CDH20: variants seen among roughly 807,000 people sequenced by gnomAD.
CDH20 encodes the protein cadherin 20.
CDH20 carries 29 observed loss-of-function variants against 74.2 expected under a neutral mutation model. The observed-to-expected ratio is 0.39, with a 90% CI of 0.29 to 0.53. The LOEUF (loss-of-function observed/expected upper bound fraction) is 0.53. CDH20 is among the 20% of genes least tolerant of loss of function. CDH20 has a pLI of 0.69. For synonymous variants in CDH20, 469 were observed against 405.4 expected, an observed-to-expected ratio of 1.16 and a Z score of -1.88; for missense variants, 988 against 1,048.3, an observed-to-expected ratio of 0.94 and a Z score of 0.79.
At chr18:61,342,095 G>A (rs1909970166) in intron 1 of CDH20, among the ~76,000 whole-genome samples, 1 of 152,142 alleles carries the variant, frequency 6.6e-6, no homozygotes, top group Non-Finnish European at 1.5e-5. Context: ...AACATTTGAA[G>A]ATCAAATTGT....
Position 61,554,593 on chromosome 18 carries a change from G to T in CDH20, c.2304G>T (p.Ser768=), listed in dbSNP as rs756107421. Residue 768 remains serine, a synonymous_variant, in exon 12 of 12, where the codon TCG becomes TCT. Coordinates refer to ENST00000262717, the MANE Select transcript of CDH20 (RefSeq NM_031891.4). The stretch of plus-strand genomic sequence containing the variant: ...TGAGCTCCCTGCAGTCGGCCACGTC[G>T]GACTCGGAACAGAGCTTCGACTTCC... ...GSLSSLQSAT[S]DSEQSFDFLT... is the part of the protein sequence containing the mutation. 1 of 1,608,868 alleles carries T rather than the reference G, an allele frequency of 6.2e-7. No homozygotes were observed. Among genetic ancestry groups the T allele is most frequent in the South Asian group, 1.1e-5 (1 of 90,228 alleles).
At chr18:61,407,956 A>G (rs1258394280) in intron 1 of CDH20, among the ~76,000 whole-genome samples, 2 of 152,228 alleles carry the variant, frequency 1.3e-5, no homozygotes, top group Non-Finnish European at 2.9e-5. Flanking sequence ...TATTACATCA[A>G]TGTTAATTTC....
chr18:61,508,354 A>G (rs1485646404), intron 6 of CDH20, among the ~76,000 whole-genome samples: 1 of 152,228 alleles, frequency 6.6e-6, no homozygotes, highest in Non-Finnish European at 1.5e-5. Context: ...TAGCAAGGGA[A>G]GAAGACAATC....
intron 5 of CDH20, among the ~76,000 whole-genome samples, chr18:61,504,280 C>T (rs17811077): frequency 6.6e-6 from 1 of 151,910 alleles, no homozygotes; most frequent in Non-Finnish European, 1.5e-5. Context: ...ACTTGAACTG[C>T]TAAGGACTTA....
At chr18:61,396,908 T>C (rs1185055252) in intron 1 of CDH20, among the ~76,000 whole-genome samples, 1 of 152,148 alleles carries the variant, frequency 6.6e-6, no homozygotes, top group Non-Finnish European at 1.5e-5. Context: ...ACACACAGTC[T>C]CCTCTGAGAC....
At chr18:61,516,137 C>T (rs1006505569) in intron 6 of CDH20, among the ~76,000 whole-genome samples, 1 of 152,144 alleles carries the variant, frequency 6.6e-6, no homozygotes, top group Non-Finnish European at 1.5e-5. Context: ...AGAAGCAACG[C>T]TATTTCTAAA....
Position 61,500,521 on chromosome 18 carries a change from G to T in CDH20, c.661+19G>T. On this transcript the variant is annotated intron_variant, in intron 4 of 11. Transcript: ENST00000262717. ...AAAACAGGTATCTGATACAAGGGTCGAGTCAGAGGTGTTTATTCCCTGATA... is the reference window on the plus strand; with the variant it reads ...AAAACAGGTATCTGATACAAGGGTCTAGTCAGAGGTGTTTATTCCCTGATA... 6.3e-7 allele frequency: 1 copy of T among 1,595,646 alleles called. No individual in the cohort carries two copies. The highest frequency in any genetic ancestry group is 1.1e-5 in the South Asian group (1 of 87,524).
intron 2 of CDH20, among the ~76,000 whole-genome samples, chr18:61,496,256 CCCTTCCTCTCCCTTCCTTTCCCTTCCCT>C (rs1911154646): frequency 8.3e-6 from 1 of 120,408 alleles, no homozygotes; most frequent in African/African-American, 3.4e-5. Flanking sequence ...CCCGCCTTCT[CCCTTCCTCTCCCTTCCTTTCCCTTCCCT>C]CCTTTCTCTC....
intron 1 of CDH20, among the ~76,000 whole-genome samples, chr18:61,388,201 T>A (rs1224079857): frequency 1.3e-5 from 2 of 152,154 alleles, no homozygotes; most frequent in African/African-American, 4.8e-5. Flanking sequence ...TGAGCCTTGA[T>A]GGATGAGTAA....
intron 1 of CDH20, among the ~76,000 whole-genome samples, chr18:61,352,866 C>A (rs1910354998): frequency 6.6e-6 from 1 of 152,194 alleles, no homozygotes; most frequent in Non-Finnish European, 1.5e-5. Context: ...CTGTTTCATT[C>A]ATAGAAGTTC....
intron 6 of CDH20, among the ~76,000 whole-genome samples, chr18:61,525,721 CTT>C (rs1250501727): frequency 4.6e-5 from 7 of 152,066 alleles, no homozygotes; most frequent in Non-Finnish European, 8.8e-5. Context: ...ACAAAAAAAA[CTT>C]TATTAAAATT....
chr18:61,428,896 C>A (rs913195050), intron 1 of CDH20, among the ~76,000 whole-genome samples: 1 of 152,230 alleles, frequency 6.6e-6, no homozygotes, highest in African/African-American at 2.4e-5. Context: ...TACGCTAGAA[C>A]ACCTATTCAA....
intron 1 of CDH20, among the ~76,000 whole-genome samples, chr18:61,364,668 CT>C (rs11359544): frequency 1 from 152,208 of 152,208 alleles, 76,104 homozygotes; most frequent in Non-Finnish European, 1. Context: ...CCTGGCACCC[CT>C]TCCCCACCAC....
chr18:61,431,766 TA>T (rs1568136667), intron 1 of CDH20, among the ~76,000 whole-genome samples: 2 of 152,202 alleles, frequency 1.3e-5, no homozygotes, highest in African/African-American at 2.4e-5. Context: ...TGAGCTTCTA[TA>T]AAAGTTTGGT....
At chr18:61,395,920 C>A (rs1317788607) in intron 1 of CDH20, among the ~76,000 whole-genome samples, 1 of 152,160 alleles carries the variant, frequency 6.6e-6, no homozygotes, top group Non-Finnish European at 1.5e-5. Flanking sequence ...GTAATCCCAG[C>A]TACTTTTTCG....
chr18:61,517,441 C>G (rs1912037312), intron 6 of CDH20, among the ~76,000 whole-genome samples: 1 of 152,162 alleles, frequency 6.6e-6, no homozygotes, highest in Non-Finnish European at 1.5e-5. Flanking sequence ...GGAGGGCAAG[C>G]TGAAGCAGGG....
chr18:61,537,339 A>G (rs1452449913), intron 8 of CDH20, among the ~76,000 whole-genome samples: 1 of 152,186 alleles, frequency 6.6e-6, no homozygotes, highest in Non-Finnish European at 1.5e-5. Flanking sequence ...TCATCATATT[A>G]AGGAAATAAT....
intron 1 of CDH20, among the ~76,000 whole-genome samples, chr18:61,431,625 A>G (rs992292136): frequency 5.3e-5 from 8 of 152,148 alleles, no homozygotes; most frequent in African/African-American, 1.7e-4. Context: ...AAAAAGACCT[A>G]GAAAGTGCCT....
chr18:61,428,827 A>G (rs1256126753), intron 1 of CDH20, among the ~76,000 whole-genome samples: 1 of 152,216 alleles, frequency 6.6e-6, no homozygotes, highest in African/African-American at 2.4e-5. Flanking sequence ...GTTCCTTCCA[A>G]TAAAACAGGC....
Sources: allele counts gnomAD v4.1 joint callset (sites outside exome capture counted in the v4.1 genomes callset), GRCh38; gene constraint gnomAD v4.1.1; transcripts MANE v1.5; gene names NCBI Gene and HGNC (gene_info 2026-07-23, HGNC 2026-07-21).